Variants in PUS7L observed in about 807,000 individuals in gnomAD.
The protein encoded by PUS7L is pseudouridylate synthase PUS7L.
PUS7L carries 49 observed loss-of-function variants against 51.1 expected under a neutral mutation model. The observed-to-expected ratio is 0.96, with a 90% CI of 0.76 to 1.22. PUS7L has a LOEUF of 1.22. Among genes scored for constraint, PUS7L ranks in the 50% most tolerant of loss-of-function variants. PUS7L has a pLI of 0.00. For missense variants in PUS7L, 828 were observed against 820.6 expected, an observed-to-expected ratio of 1.01 and a Z score of -0.11; for synonymous variants, 277 against 276.2, an observed-to-expected ratio of 1.00 and a Z score of -0.03.
chr12:43,743,058 A>G (rs1191934854), intron 4 of PUS7L, among the ~76,000 whole-genome samples: 1 of 152,176 alleles, frequency 6.6e-6, no homozygotes, highest in Non-Finnish European at 1.5e-5. Flanking sequence ...CTGACCTGAG[A>G]CAATGGAGCC....
Position 43,748,518 on chromosome 12 carries a change from A to G in PUS7L, c.1002T>C (p.Tyr334=), listed in dbSNP as rs760824685. 14 of 1,612,064 alleles carry G rather than the reference A, an allele frequency of 8.7e-6. No homozygotes were observed. The highest frequency in any genetic ancestry group is 2.2e-5 in the South Asian group (2 of 90,410). The change falls in exon 3 of 9, where the codon TAT becomes TAC. Residue 334 remains tyrosine (Y), a synonymous_variant. Coordinates refer to ENST00000344862, the MANE Select transcript of PUS7L (RefSeq NM_031292.5). ...TGGCTTTCTTGTCTTTAAGGCCTGC[A>G]TAACTAAAATCCGAAGGAATAACAC... is the stretch of plus-strand genomic sequence containing the variant. ...KLGVIPSDFS[Y]AGLKDKKAIT...
Position 43,730,691 on chromosome 12 carries a change from T to C in PUS7L, c.1791A>G (p.Pro597=), listed in dbSNP as rs1421013313. Residue 597 remains proline, a synonymous_variant, in exon 9 of 9, where the codon CCA becomes CCG. Transcript: ENST00000344862. The stretch of plus-strand genomic sequence containing the variant: ...GGTACTGAATATTGTATCCAAGTAC[T>C]GGAAGAACCACCTGTGAAAGAAAAG... ...NMYAIHQVVL[P]VLGYNIQYPK... is the part of the protein sequence containing the mutation. 1.9e-6 allele frequency: 3 copies of C among 1,592,896 alleles called. No homozygotes were observed. In the South Asian group the frequency reaches 3.3e-5, roughly 18 times the overall value.
intron 7 of PUS7L, among the ~76,000 whole-genome samples, chr12:43,735,105 G>A (rs1168262769): frequency 6.6e-6 from 1 of 152,002 alleles, no homozygotes; most frequent in Non-Finnish European, 1.5e-5. Context: ...CACGAGGTCA[G>A]GAGATCGAGA....
chr12:43,748,868 T>C (rs1938305811), intron 2 of PUS7L, among the ~76,000 whole-genome samples: 1 of 152,006 alleles, frequency 6.6e-6, no homozygotes, highest in East Asian at 1.9e-4. Context: ...GGACTACAGG[T>C]ACACACCACC....
At chr12:43,738,181 A>G (rs1937701984) in intron 6 of PUS7L, 129 bp downstream of exon 6, 4 of 615,044 alleles carry the variant, frequency 6.5e-6, no homozygotes, top group Non-Finnish European at 5.7e-6. Context: ...AAAAGTGTTC[A>G]GTATGTAATA....
At chr12:43,742,435 T>C (rs773969138) in intron 5 of PUS7L, 22 bp downstream of exon 5, 2 of 1,530,318 alleles carry the variant, frequency 1.3e-6, no homozygotes, top group South Asian at 1.1e-5. Context: ...ACAGATAAGA[T>C]TACATTTTTC....
intron 3 of PUS7L, among the ~76,000 whole-genome samples, chr12:43,747,039 A>C (rs1228824325): frequency 6.6e-6 from 1 of 152,202 alleles, no homozygotes; most frequent in African/African-American, 2.4e-5. Flanking sequence ...TCCCCCATAT[A>C]AGAGCTTAGA....
intron 2 of PUS7L, among the ~76,000 whole-genome samples, chr12:43,753,665 C>T (rs548436672): frequency 3.4e-4 from 52 of 152,156 alleles, no homozygotes; most frequent in Non-Finnish European, 6.9e-4. Context: ...TTCCAGCCAC[C>T]ATGGGAATTA....
rs575336775 is a variant in PUS7L, at chr12:43,736,822, A to C, written c.1445-161T>G. The C allele has an allele frequency of 1.7e-5, 10 of 588,690 alleles. No individual in the cohort carries two copies. In the South Asian group the frequency reaches 2.6e-4, roughly 15 times the overall value. The allele number at this position is 588,690 out of a possible 1,614,324, so 36.5% of individuals were successfully genotyped here. A position where few individuals can be genotyped will look rare whatever the true frequency, so the allele number is the denominator to read the frequency against. On this transcript the variant is annotated intron_variant, in intron 6 of 8. Transcript: ENST00000344862. ...GCTACACTTGAAGAGCTTTAAAAAA[A>C]ATAATAAGCATAATATGGCCCTACT...
intron 2 of PUS7L, among the ~76,000 whole-genome samples, chr12:43,753,479 C>A (rs1269326208): frequency 6.6e-6 from 1 of 152,218 alleles, no homozygotes; most frequent in African/African-American, 2.4e-5. Context: ...GTAGTCCCTA[C>A]ATGGCACCAT....
At chr12:43,758,386 T>C (rs1372018503) in intron 1 of PUS7L, 31 of 985,488 alleles carry the variant, frequency 3.1e-5, no homozygotes, top group Non-Finnish European at 3.7e-5. Context: ...AGTAGTTTGC[T>C]TGGCCCGTGG....
rs1170580148 is a variant in PUS7L at position 43,758,665 on chromosome 12, CCACACACACA to C, written c.-17+55_-17+64del. ...ATGCCAACCTCGTCACCCCCCCCCC[CCACACACACA>C]CACACACACACACATACAAGCCCAC... On this transcript the variant is annotated intron_variant, in intron 1 of 8. Coordinates refer to ENST00000344862, the MANE Select transcript of PUS7L (RefSeq NM_031292.5). 5,114 of 560,390 alleles carry C rather than the reference CCACACACACA, an allele frequency of 9.1e-3. 56 individuals carry two copies. The highest frequency in any genetic ancestry group is 0.019 in the South Asian group (211 of 11,046). 34.7% of individuals were successfully genotyped at this position (560,390 alleles called of 1,614,324 possible). A position where few individuals can be genotyped will look rare whatever the true frequency, so the allele number is the denominator to read the frequency against.
At chr12:43,739,086 TATGGAC>T (rs1937755641) in intron 5 of PUS7L, 1 of 153,222 alleles carries the variant, frequency 6.5e-6, no homozygotes, top group South Asian at 2.1e-4. Context: ...AAGAGTTAAA[TATGGAC>T]ACAAGAAATG....
chr12:43,754,545 T>A lies in PUS7L; in HGVS notation c.701A>T (p.Lys234Ile), dbSNP rs764357408. 3 of 1,610,446 alleles carry A rather than the reference T, an allele frequency of 1.9e-6. No individual in the cohort carries two copies. The South Asian group carries it at 3.3e-5, about 18-fold the overall frequency. ...TCTGTGGTCTTTGTTTGTATCAGGTTTAAAGGTAAATTTGGAATTTTCTTT... is the reference window on the plus strand; with the variant it reads ...TCTGTGGTCTTTGTTTGTATCAGGTATAAAGGTAAATTTGGAATTTTCTTT... ...AKKENSKFTF[K>I]PDTNKDHRKA... The change falls in exon 2 of 9, where the codon AAA becomes ATA. Residue 234 changes from lysine (K) to isoleucine (I), a missense_variant. By Grantham distance (102) the Lys-to-Ile change is moderately radical. Transcript: ENST00000344862.
In PUS7L at chr12:43,758,781, A is replaced by C. The variant is rs913740216; in HGVS notation, c.-68T>G. The C allele has an allele frequency of 3.2e-6, 3 of 948,106 alleles. No individual in the cohort carries two copies. The highest frequency in any genetic ancestry group is 1.2e-4 in the Admixed American group (2 of 16,194). 58.7% of individuals were successfully genotyped at this position (948,106 alleles called of 1,614,324 possible). ...GCACAACGCTGTGCGCATGCCCGGA[A>C]GCCTTAAGTGTTTCAGCCTCCGACA... On this transcript the variant is annotated 5_prime_UTR_variant, in exon 1 of 9. Coordinates refer to ENST00000344862, the MANE Select transcript of PUS7L (RefSeq NM_031292.5).
At chr12:43,738,642 C>T (rs1455535243) in intron 5 of PUS7L, among the ~76,000 whole-genome samples, 3 of 152,036 alleles carry the variant, frequency 2.0e-5, no homozygotes, top group East Asian at 1.9e-4. Context: ...CCTATCACTT[C>T]CATAATTCTA....
chr12:43,741,967 T>C lies in PUS7L; in HGVS notation c.1362+490A>G, dbSNP rs902135708. ...AATATGTAATTACATATAAAAAATA[T>C]AAATTAAAAGCAGATATACACACAT... On this transcript the variant is annotated intron_variant, in intron 5 of 8. Coordinates refer to ENST00000344862, the MANE Select transcript of PUS7L (RefSeq NM_031292.5). Among the ~76,000 whole-genome samples, 8 of 152,154 alleles carry C rather than the reference T, an allele frequency of 5.3e-5. No homozygotes were observed. The East Asian group carries it at 1.2e-3, about 22-fold the overall frequency.
Position 43,719,754 on chromosome 12 carries a change from G to T in PUS7L, c.*10622C>A, listed in dbSNP as rs2137636394. ...CTTTCAATAATATTGGCAGAAAATT[G>T]TTCATAATATTCTATTATCTTTTTA... On this transcript the variant is annotated 3_prime_UTR_variant, in exon 9 of 9. Transcript: ENST00000344862. 1 of 152,090 alleles carries T rather than the reference G, an allele frequency of 6.6e-6. No homozygotes were observed. The highest frequency in any genetic ancestry group is 1.9e-4 in the East Asian group (1 of 5,186). The allele number at this position is 152,090 out of a possible 1,614,324, so 9.4% of individuals were successfully genotyped here.
chr12:43,737,337 A>C (rs912455204), intron 6 of PUS7L, among the ~76,000 whole-genome samples: 1 of 152,104 alleles, frequency 6.6e-6, no homozygotes. Flanking sequence ...TTATTACTTA[A>C]ATTACTCATA....
Sources: gnomAD v4.1 joint callset for allele counts (sites outside exome capture counted in the v4.1 genomes callset) on GRCh38, gnomAD v4.1.1 for gene constraint, MANE v1.5 for transcripts, NCBI Gene and HGNC (gene_info 2026-07-23, HGNC 2026-07-21) for gene names.